Variants in BMAL2 observed in about 807,000 individuals in gnomAD.
BMAL2 encodes basic helix-loop-helix ARNT like 2.
chr12:27,378,754 G>T, the BMAL2 span, among the ~76,000 whole-genome samples: 1 of 152,174 alleles, frequency 6.6e-6, no homozygotes, highest in Non-Finnish European at 1.5e-5. Context: ...GAATAGACTA[G>T]GAGAGGAAGG....
At chr12:27,380,735 C>T in the BMAL2 span, among the ~76,000 whole-genome samples, 1 of 152,068 alleles carries the variant, frequency 6.6e-6, no homozygotes, top group Non-Finnish European at 1.5e-5. Context: ...TTGAGCTGGG[C>T]GTGGTGGCTC....
the BMAL2 span, among the ~76,000 whole-genome samples, chr12:27,337,690 T>A: frequency 2.0e-5 from 3 of 152,198 alleles, no homozygotes; most frequent in African/African-American, 7.2e-5. Context: ...GGGCTTGTGA[T>A]TTCTGGTTTC....
chr12:27,420,419 G>A, the BMAL2 span: 11 of 1,613,886 alleles, frequency 6.8e-6, no homozygotes, highest in East Asian at 2.2e-5. Context: ...GTTGGATTTC[G>A]ATGCCCTATG....
At chr12:27,380,091 C>T in the BMAL2 span, among the ~76,000 whole-genome samples, 3 of 152,136 alleles carry the variant, frequency 2.0e-5, no homozygotes, top group African/African-American at 7.2e-5. Flanking sequence ...GTCTCAGCAG[C>T]GCTTTCCTCT....
At chr12:27,371,603 T>C in the BMAL2 span, among the ~76,000 whole-genome samples, 1 of 152,190 alleles carries the variant, frequency 6.6e-6, no homozygotes, top group African/African-American at 2.4e-5. Context: ...CTATCTTGAA[T>C]GCAGTAGGAA....
chr12:27,344,666 G>T, the BMAL2 span, among the ~76,000 whole-genome samples: 1 of 152,186 alleles, frequency 6.6e-6, no homozygotes, highest in East Asian at 1.9e-4. Flanking sequence ...TCTCTCACTT[G>T]AGGTCAACTG....
At chr12:27,369,995 T>G in the BMAL2 span, 1 of 652,238 alleles carries the variant, frequency 1.5e-6, no homozygotes, top group Non-Finnish European at 2.8e-6. Flanking sequence ...GATGTGGTAT[T>G]TTCTCCACTT....
At chr12:27,359,543 A>G in the BMAL2 span, among the ~76,000 whole-genome samples, 1 of 151,918 alleles carries the variant, frequency 6.6e-6, no homozygotes, top group African/African-American at 2.4e-5. Flanking sequence ...TCAAATGGGT[A>G]TGGTGGTACG....
chr12:27,362,130 G>T, the BMAL2 span, among the ~76,000 whole-genome samples: 3 of 152,148 alleles, frequency 2.0e-5, no homozygotes, highest in Non-Finnish European at 4.4e-5. Context: ...TGAGGGTCTG[G>T]TATTATATAT....
the BMAL2 span, chr12:27,380,420 G>T: frequency 4.3e-6 from 7 of 1,613,498 alleles, no homozygotes; most frequent in Non-Finnish European, 5.9e-6. Flanking sequence ...TTTGACGATG[G>T]CTTCCACACT....
chr12:27,356,948 C>A, the BMAL2 span, among the ~76,000 whole-genome samples: 2 of 148,088 alleles, frequency 1.4e-5, no homozygotes, highest in Non-Finnish European at 3.0e-5. Context: ...TTGTATTATT[C>A]TTATGCCTTT....
At chr12:27,360,072 A>T in the BMAL2 span, among the ~76,000 whole-genome samples, 1 of 150,892 alleles carries the variant, frequency 6.6e-6, no homozygotes, top group East Asian at 1.9e-4. Context: ...AAAAAAAAAA[A>T]GTACTAGCAG....
chr12:27,390,945 G>T, the BMAL2 span, among the ~76,000 whole-genome samples: 7 of 152,202 alleles, frequency 4.6e-5, no homozygotes, highest in East Asian at 1.4e-3. Context: ...ATTAAGTTTT[G>T]GTCGGAATCT....
the BMAL2 span, among the ~76,000 whole-genome samples, chr12:27,373,732 A>G: frequency 6.6e-6 from 1 of 152,204 alleles, no homozygotes; most frequent in East Asian, 1.9e-4. Flanking sequence ...TCTGCGTCTA[A>G]CTTTGTCTTT....
At chr12:27,377,016 AAAAAAAAAG>A in the BMAL2 span, among the ~76,000 whole-genome samples, 2 of 151,166 alleles carry the variant, frequency 1.3e-5, no homozygotes, top group Non-Finnish European at 3.0e-5. Context: ...AAAAAAAAAA[AAAAAAAAAG>A]AAACCCATCC....
the BMAL2 span, among the ~76,000 whole-genome samples, chr12:27,401,070 G>C: frequency 6.6e-6 from 1 of 152,100 alleles, no homozygotes; most frequent in South Asian, 2.1e-4. Context: ...TTCATGCCTG[G>C]GTGCCTGTTC....
chr12:27,339,026 A>G, the BMAL2 span, among the ~76,000 whole-genome samples: 20 of 152,160 alleles, frequency 1.3e-4, no homozygotes, highest in Admixed American at 3.3e-4. Context: ...CTCGTGTCAC[A>G]GGGGTTTGTT....
At chr12:27,422,048 G>T in the BMAL2 span, 1 of 152,072 alleles carries the variant, frequency 6.6e-6, no homozygotes. Context: ...TTAAAATTTG[G>T]AGAGCATTTT....
the BMAL2 span, among the ~76,000 whole-genome samples, chr12:27,385,763 C>T: frequency 6.6e-6 from 1 of 152,176 alleles, no homozygotes; most frequent in Non-Finnish European, 1.5e-5. Flanking sequence ...AGAGGATAGG[C>T]ACTTTCCACA....
Sources: allele counts gnomAD v4.1 joint callset (sites outside exome capture counted in the v4.1 genomes callset), GRCh38; gene constraint gnomAD v4.1.1; transcripts MANE v1.5; gene names NCBI Gene and HGNC (gene_info 2026-07-23, HGNC 2026-07-21).